Variants in RAP1GAP2 observed in about 807,000 individuals in gnomAD.
RAP1GAP2 encodes rap1 GTPase-activating protein 2.
In RAP1GAP2, 27 loss-of-function variants were observed where a neutral mutation model predicts 95.0. That is an observed-to-expected ratio of 0.28 (90% confidence interval 0.21 to 0.39). The LOEUF (loss-of-function observed/expected upper bound fraction) is 0.39. Ranked by LOEUF, RAP1GAP2 falls within the 10% of genes least tolerant of loss-of-function variation. The probability of loss-of-function intolerance (pLI) is 1.00; values close to 1 mark genes in which losing one functional copy is unlikely to be tolerated. For missense variants in RAP1GAP2, 771 were observed against 970.0 expected, an observed-to-expected ratio of 0.79 and a Z score of 2.72; for synonymous variants, 373 against 380.9, an observed-to-expected ratio of 0.98 and a Z score of 0.24.
At chr17:2,957,629 T>C in intron 3 of RAP1GAP2, 130 bp from the exon 4 acceptor site, 1 of 1,066,548 alleles carries the variant, frequency 9.4e-7, no homozygotes, top group Non-Finnish European at 1.4e-6. Flanking sequence ...ATCTTCTCTG[T>C]TGATCCAAAT....
At position 2,847,858 on chromosome 17, in the gene RAP1GAP2, A is replaced by G. The variant is rs185192483; in HGVS notation, c.80+47308A>G. 1.3e-3 allele frequency among the ~76,000 whole-genome samples: 202 copies of G among 152,296 alleles called. 1 individual carries two copies. Among genetic ancestry groups the G allele is most frequent in the Middle Eastern group, 0.01 (3 of 294 alleles). ...GACTCCTGGGCGGCCTCTATGCAAA[A>G]TAACACCTCTTCCTGTTCGTCAGAA... On this transcript the variant is annotated intron_variant, in intron 2 of 24. Transcript: ENST00000254695.
intron 3 of RAP1GAP2, among the ~76,000 whole-genome samples, chr17:2,922,372 G>A (rs1212009005): frequency 1.3e-5 from 2 of 152,132 alleles, no homozygotes; most frequent in Non-Finnish European, 2.9e-5. Context: ...CTGCAGCATG[G>A]GTAAAGACCC....
At chr17:2,995,212 C>A in intron 12 of RAP1GAP2, 125 bp from the exon 13 acceptor site, 2 of 1,204,656 alleles carry the variant, frequency 1.7e-6, no homozygotes, top group Non-Finnish European at 2.4e-6. Flanking sequence ...GCCTGCTCTG[C>A]CCTCAGCTCT....
At chr17:2,998,417 C>T in intron 14 of RAP1GAP2, 41 bp downstream of exon 14, 4 of 1,601,618 alleles carry the variant, frequency 2.5e-6, no homozygotes, top group Non-Finnish European at 3.4e-6. Flanking sequence ...TGGGCCTCGA[C>T]ACCTCACCCT....
At chr17:2,784,163 G>A (rs1288772079) in intron 1 of RAP1GAP2, among the ~76,000 whole-genome samples, 2 of 151,736 alleles carry the variant, frequency 1.3e-5, no homozygotes, top group African/African-American at 2.4e-5. Context: ...TAGTAGAGAC[G>A]AGGGTTTCAC....
chr17:2,889,887 ATATT>A (rs1409965067), intron 2 of RAP1GAP2, among the ~76,000 whole-genome samples: 1,392 of 38,662 alleles, frequency 0.036, 65 homozygotes, highest in Admixed American at 0.21. Flanking sequence ...ATATATATAT[ATATT>A]TTTTTTTTTT....
chr17:2,972,140 A>G (rs1339160058), intron 8 of RAP1GAP2, among the ~76,000 whole-genome samples: 2 of 152,204 alleles, frequency 1.3e-5, no homozygotes, highest in Non-Finnish European at 2.9e-5. Context: ...TGAGGTAAAA[A>G]AGAAACCTGA....
In RAP1GAP2 at chr17:2,797,241, A is replaced by G. The variant is rs1245424097; in HGVS notation, c.44+670A>G. On this transcript the variant is annotated intron_variant, in intron 1 of 24. Transcript: ENST00000254695. This position sits in a 1 kb window ranked among gnomAD's most constrained non-coding sequence, Gnocchi z 5.6. ...GCTCTGTCCTAGCCTGAGCAGCTGC[A>G]TCTGTCCCCAGCCTCCTGCCTGGCC... Among the ~76,000 whole-genome samples, 1 of 152,128 alleles carries G rather than the reference A, an allele frequency of 6.6e-6. No homozygotes were observed. Among genetic ancestry groups the G allele is most frequent in the African/African-American group, 2.4e-5 (1 of 41,418 alleles).
At chr17:3,006,874 T>C (rs1293772318) in intron 16 of RAP1GAP2, among the ~76,000 whole-genome samples, 1 of 151,950 alleles carries the variant, frequency 6.6e-6, no homozygotes, top group Admixed American at 6.6e-5. Flanking sequence ...ACTAAATAGA[T>C]AGTTATAGTA....
chr17:2,981,336 A>G (rs1309626978), intron 10 of RAP1GAP2, 88 bp downstream of exon 10: 1 of 1,267,010 alleles, frequency 7.9e-7, no homozygotes, highest in Non-Finnish European at 1.1e-6. Flanking sequence ...TCTCTGCATC[A>G]TAGTGGGGTT....
At chr17:2,879,395 C>T (rs912640114) in intron 2 of RAP1GAP2, among the ~76,000 whole-genome samples, 8 of 151,844 alleles carry the variant, frequency 5.3e-5, no homozygotes, top group Non-Finnish European at 1.2e-4. Flanking sequence ...GGATTACAGG[C>T]GTGAGCCACT....
intron 1 of RAP1GAP2, among the ~76,000 whole-genome samples, chr17:2,768,641 G>A (rs1288760697): frequency 6.9e-6 from 1 of 145,428 alleles, no homozygotes; most frequent in African/African-American, 2.5e-5. Flanking sequence ...GCAGTGAGCT[G>A]AGATGAAGCC....
At chr17:2,909,200 G>A (rs893589564) in intron 3 of RAP1GAP2, among the ~76,000 whole-genome samples, 1 of 152,160 alleles carries the variant, frequency 6.6e-6, no homozygotes, top group African/African-American at 2.4e-5. Flanking sequence ...TGGGGTCTCT[G>A]CAGAGGAGGC....
At chr17:2,940,497 C>T (rs34018609) in intron 3 of RAP1GAP2, among the ~76,000 whole-genome samples, 10,807 of 152,310 alleles carry the variant, frequency 0.071, 511 homozygotes, top group Middle Eastern at 0.12. Context: ...GCTGGGCTTC[C>T]GCCTGGCCTG....
chr17:2,777,360 A>T (rs1021781901), intron 1 of RAP1GAP2: 7 of 151,852 alleles, frequency 4.6e-5, no homozygotes, highest in African/African-American at 1.7e-4. Flanking sequence ...GCTTCCTGAA[A>T]CCCCCCATCC....
chr17:3,032,337 T>C (rs2047349785), intron 23 of RAP1GAP2, 74 bp from the exon 24 acceptor site: 1 of 1,566,234 alleles, frequency 6.4e-7, no homozygotes, highest in African/African-American at 1.4e-5. Flanking sequence ...GAGAGCTGAG[T>C]GCACAGAGCC....
chr17:2,879,611 A>G (rs1253189655), intron 2 of RAP1GAP2, among the ~76,000 whole-genome samples: 1 of 151,794 alleles, frequency 6.6e-6, no homozygotes, highest in Non-Finnish European at 1.5e-5. Context: ...CTGTAATCCC[A>G]GCTACTCAGG....
chr17:2,833,561 G>A (rs1478330269), intron 2 of RAP1GAP2, among the ~76,000 whole-genome samples: 1 of 151,764 alleles, frequency 6.6e-6, no homozygotes, highest in Non-Finnish European at 1.5e-5. Context: ...GTGTTGGCGG[G>A]CGCCTGTAGT....
At chr17:2,781,310 G>A (rs965850302) in intron 1 of RAP1GAP2, among the ~76,000 whole-genome samples, 1 of 152,230 alleles carries the variant, frequency 6.6e-6, no homozygotes, top group African/African-American at 2.4e-5. Flanking sequence ...GGGCCCTGCC[G>A]ATTAGATGGC....
Sources: gnomAD v4.1 joint callset for allele counts (sites outside exome capture counted in the v4.1 genomes callset) on GRCh38, gnomAD v4.1.1 for gene constraint, Gnocchi (gnomAD v3.1) non-coding constraint, MANE v1.5 for transcripts, NCBI Gene and HGNC (gene_info 2026-07-23, HGNC 2026-07-21) for gene names.